The following MACROD2 variants were observed in gnomAD, a reference collection of about 807,000 sequenced individuals.
MACROD2 encodes ADP-ribose glycohydrolase MACROD2.
In MACROD2, 36 loss-of-function variants were observed where a neutral mutation model predicts 70.4. The observed-to-expected ratio is 0.51, with a 90% confidence interval of 0.39 to 0.68. The LOEUF is 0.68. Ranked by LOEUF, MACROD2 falls within the 30% of genes least tolerant of loss-of-function variation. The pLI is 0.00. For missense variants in MACROD2, 496 were observed against 538.4 expected, an observed-to-expected ratio of 0.92 and a Z score of 0.78; for synonymous variants, 172 against 178.8, an observed-to-expected ratio of 0.96 and a Z score of 0.30.
At chr20:14,164,423 C>T (rs781389098) in intron 3 of MACROD2, among the ~76,000 whole-genome samples, 9 of 152,080 alleles carry the variant, frequency 5.9e-5, no homozygotes, top group Non-Finnish European at 1.0e-4. Flanking sequence ...TATTCTTGAG[C>T]CTCCAGGTGA....
At position 14,944,533 on chromosome 20, in the gene MACROD2, A is replaced by T. The variant is rs1021991246; in HGVS notation, c.418+259574A>T. ...TCTGCTGTCAATTTGACATCATCCC[A>T]TCTCTGGGATGCAATGAAAAGGAGA... On this transcript the variant is annotated intron_variant, in intron 5 of 17. Transcript: ENST00000684519. 2.6e-5 allele frequency among the ~76,000 whole-genome samples: 4 copies of T among 152,086 alleles called. No homozygotes were observed. The East Asian group carries it at 7.7e-4, about 29-fold the overall frequency.
At chr20:14,809,970 C>A (rs2072689269) in intron 5 of MACROD2, among the ~76,000 whole-genome samples, 1 of 151,954 alleles carries the variant, frequency 6.6e-6, no homozygotes. Context: ...AAAAAAGGCC[C>A]AGGACCAGAC....
chr20:14,781,589 T>G (rs945787401), intron 5 of MACROD2, among the ~76,000 whole-genome samples: 2 of 151,074 alleles, frequency 1.3e-5, no homozygotes, highest in Non-Finnish European at 2.9e-5. Context: ...AGTTATAGCT[T>G]TTTGGGGTAC....
intron 8 of MACROD2, among the ~76,000 whole-genome samples, chr20:15,739,120 A>G (rs2051067132): frequency 6.6e-6 from 1 of 152,160 alleles, no homozygotes; most frequent in African/African-American, 2.4e-5. Context: ...ACAGTGAGGA[A>G]TGAGAGATTA....
intron 5 of MACROD2, among the ~76,000 whole-genome samples, chr20:15,096,869 T>A (rs1476554662): frequency 6.9e-6 from 1 of 144,260 alleles, no homozygotes; most frequent in African/African-American, 2.6e-5. Context: ...TAGAGTGCAG[T>A]GGCGTGATCT....
At chr20:15,490,782 T>A (rs979042772) in intron 7 of MACROD2, among the ~76,000 whole-genome samples, 1 of 152,098 alleles carries the variant, frequency 6.6e-6, no homozygotes, top group African/African-American at 2.4e-5. Context: ...AAGGAAGCAG[T>A]GTATCAAGTG....
At chr20:14,569,402 C>T (rs1026651827) in intron 4 of MACROD2, among the ~76,000 whole-genome samples, 7 of 151,854 alleles carry the variant, frequency 4.6e-5, no homozygotes, top group Non-Finnish European at 8.8e-5. Context: ...GATATTGAGC[C>T]ATTACTGAAA....
chr20:14,172,046 G>A (rs2081225540), intron 3 of MACROD2, among the ~76,000 whole-genome samples: 1 of 152,056 alleles, frequency 6.6e-6, no homozygotes, highest in African/African-American at 2.4e-5. Flanking sequence ...ATTTAGGATT[G>A]TGATATTTTC....
At chr20:15,286,669 G>T (rs1438489350) in intron 6 of MACROD2, among the ~76,000 whole-genome samples, 1 of 152,108 alleles carries the variant, frequency 6.6e-6, no homozygotes, top group Non-Finnish European at 1.5e-5. Flanking sequence ...GTGAAGTAAG[G>T]TCGCCATTTA....
intron 3 of MACROD2, among the ~76,000 whole-genome samples, chr20:14,127,059 G>A (rs1247790364): frequency 6.6e-6 from 1 of 152,130 alleles, no homozygotes; most frequent in Non-Finnish European, 1.5e-5. Flanking sequence ...AAGGCAAGAG[G>A]CCAAAAATGA....
chr20:15,790,647 C>T (rs892211424), intron 8 of MACROD2, among the ~76,000 whole-genome samples: 1 of 151,806 alleles, frequency 6.6e-6, no homozygotes, highest in Non-Finnish European at 1.5e-5. Flanking sequence ...GGAGCCCCTG[C>T]TCACAGAGAA....
intron 15 of MACROD2, among the ~76,000 whole-genome samples, chr20:16,008,798 C>T (rs191464861): frequency 6.6e-6 from 1 of 152,144 alleles, no homozygotes; most frequent in Non-Finnish European, 1.5e-5. Flanking sequence ...TTGTGATGAA[C>T]GGTGAGAAAC....
chr20:14,101,674 A>G (rs891607533), intron 3 of MACROD2, among the ~76,000 whole-genome samples: 5 of 151,894 alleles, frequency 3.3e-5, no homozygotes, highest in Non-Finnish European at 7.4e-5. Flanking sequence ...CACCTCATCT[A>G]TTTTTGACCC....
intron 3 of MACROD2, among the ~76,000 whole-genome samples, chr20:14,467,448 A>G (rs2084469595): frequency 6.6e-6 from 1 of 152,016 alleles, no homozygotes; most frequent in Non-Finnish European, 1.5e-5. Context: ...CCTTTCTTTG[A>G]CTAGGAAAAG....
chr20:14,796,749 T>A (rs1214742511), intron 5 of MACROD2, among the ~76,000 whole-genome samples: 1 of 152,060 alleles, frequency 6.6e-6, no homozygotes, highest in African/African-American at 2.4e-5. Flanking sequence ...TATGTATACA[T>A]AGCTTTAATA....
chr20:15,300,984 G>A (rs573169224), intron 6 of MACROD2, among the ~76,000 whole-genome samples: 1 of 152,298 alleles, frequency 6.6e-6, no homozygotes, highest in East Asian at 1.9e-4. Flanking sequence ...GCTATGAAGT[G>A]GGGAGGTCCT....
At chr20:14,492,899 T>A (rs2084810485) in intron 3 of MACROD2, among the ~76,000 whole-genome samples, 1 of 152,100 alleles carries the variant, frequency 6.6e-6, no homozygotes, top group Non-Finnish European at 1.5e-5. Context: ...CTCCTATAAA[T>A]GTGTGTGCGG....
chr20:14,349,577 T>TA (rs1555784141), intron 3 of MACROD2, among the ~76,000 whole-genome samples: 6 of 135,274 alleles, frequency 4.4e-5, no homozygotes, highest in Admixed American at 7.5e-5. Flanking sequence ...ATATATATAT[T>TA]GTACCTATTA....
chr20:15,827,181 C>T (rs1254944002), intron 8 of MACROD2, among the ~76,000 whole-genome samples: 1 of 152,120 alleles, frequency 6.6e-6, no homozygotes, highest in East Asian at 1.9e-4. Flanking sequence ...AGAAGAAAAA[C>T]TATGGTAGTA....
Sources: gnomAD v4.1 joint callset for allele counts (sites outside exome capture counted in the v4.1 genomes callset) on GRCh38, gnomAD v4.1.1 for gene constraint, MANE v1.5 for transcripts, NCBI Gene and HGNC (gene_info 2026-07-23, HGNC 2026-07-21) for gene names.